The following PTPRD variants were observed in gnomAD, a reference collection of about 807,000 sequenced individuals.
PTPRD encodes receptor-type tyrosine-protein phosphatase delta.
PTPRD carries 34 observed loss-of-function variants against 214.5 expected under a neutral mutation model. That is an observed-to-expected ratio of 0.16 (90% CI 0.12 to 0.21). The LOEUF is 0.21. Among genes scored for constraint, PTPRD ranks in the 10% least tolerant of loss-of-function variants. The pLI is 1.00. For missense variants in PTPRD, 2,545 were observed against 2,398.7 expected (o/e 1.06, Z -1.27); for synonymous variants, 1,128 against 845.7 (o/e 1.33, Z -5.79).
At chr9:9,208,872 A>G (rs1420510725) in intron 9 of PTPRD, among the ~76,000 whole-genome samples, 1 of 151,416 alleles carries the variant, frequency 6.6e-6, no homozygotes, top group Non-Finnish European at 1.5e-5. Flanking sequence ...CAGTGGCGCG[A>G]TCCCGGCTCA....
intron 8 of PTPRD, among the ~76,000 whole-genome samples, chr9:9,522,110 T>A (rs571171150): frequency 6.7e-6 from 1 of 149,582 alleles, no homozygotes; most frequent in African/African-American, 2.5e-5. Context: ...TGAGCTGAGA[T>A]TGTGCCATTG....
intron 39 of PTPRD, among the ~76,000 whole-genome samples, chr9:8,373,860 GTCTGTCTATCTATC>G (rs1379593744): frequency 1.2e-4 from 9 of 75,444 alleles, no homozygotes; most frequent in African/African-American, 7.4e-4. Flanking sequence ...GTATGTGTCT[GTCTGTCTATCTATC>G]TATCTATCTA....
chr9:8,669,069 G>A (rs1048720352), intron 12 of PTPRD, among the ~76,000 whole-genome samples: 2 of 152,018 alleles, frequency 1.3e-5, no homozygotes, highest in Non-Finnish European at 2.9e-5. Flanking sequence ...TCCTCTCTAT[G>A]GGAAAGGGGA....
At chr9:8,348,140 C>T (rs1164345633) in intron 39 of PTPRD, among the ~76,000 whole-genome samples, 2 of 152,096 alleles carry the variant, frequency 1.3e-5, no homozygotes, top group African/African-American at 4.8e-5. Context: ...GGGCATGTTC[C>T]ACATAGTTAT....
At chr9:9,138,800 T>C (rs1224946630) in intron 10 of PTPRD, among the ~76,000 whole-genome samples, 1 of 152,182 alleles carries the variant, frequency 6.6e-6, no homozygotes, top group African/African-American at 2.4e-5. Flanking sequence ...AGCATTTTTT[T>C]GATATCTATT....
chr9:10,063,771 C>A (rs73641837), intron 3 of PTPRD, among the ~76,000 whole-genome samples: 3,260 of 152,014 alleles, frequency 0.021, 112 homozygotes, highest in African/African-American at 0.073. Context: ...GTAGCAATAC[C>A]AGCTAGTTCA....
intron 9 of PTPRD, among the ~76,000 whole-genome samples, chr9:9,270,507 G>A (rs749986100): frequency 6.6e-6 from 1 of 151,314 alleles, no homozygotes; most frequent in Non-Finnish European, 1.5e-5. Flanking sequence ...GAACAGTCAA[G>A]GAAACAATGG....
intron 10 of PTPRD, among the ~76,000 whole-genome samples, chr9:9,074,142 T>C (rs1208002592): frequency 6.6e-6 from 1 of 152,142 alleles, no homozygotes; most frequent in Non-Finnish European, 1.5e-5. Flanking sequence ...TTTAAATAGC[T>C]CTTAGGATAT....
intron 11 of PTPRD, among the ~76,000 whole-genome samples, chr9:8,801,465 T>G (rs1414194929): frequency 6.6e-6 from 1 of 152,174 alleles, no homozygotes. Flanking sequence ...GCCTGTAATC[T>G]CAGCAATCTG....
intron 8 of PTPRD, among the ~76,000 whole-genome samples, chr9:9,420,564 T>C (rs552302604): frequency 1.2e-4 from 18 of 152,074 alleles, no homozygotes; most frequent in African/African-American, 3.6e-4. Flanking sequence ...ACAATTTGGT[T>C]TGAAAACAGT....
intron 10 of PTPRD, among the ~76,000 whole-genome samples, chr9:9,041,397 G>C (rs553548299): frequency 1.3e-5 from 2 of 152,142 alleles, no homozygotes; most frequent in Non-Finnish European, 2.9e-5. Context: ...TCCAGTGTGT[G>C]TTGTTCCCCT....
intron 7 of PTPRD, among the ~76,000 whole-genome samples, chr9:9,679,348 A>G (rs2097013581): frequency 6.6e-6 from 1 of 151,792 alleles, no homozygotes; most frequent in African/African-American, 2.4e-5. Flanking sequence ...TACATATGAG[A>G]TCAGTAACAT....
chr9:9,932,186 G>A (rs538532937), intron 5 of PTPRD, among the ~76,000 whole-genome samples: 2 of 150,724 alleles, frequency 1.3e-5, no homozygotes, highest in African/African-American at 5.0e-5. Flanking sequence ...TCCTCCAAAG[G>A]AACGCAGTTC....
At chr9:9,726,402 C>G (rs1403405467) in intron 7 of PTPRD, among the ~76,000 whole-genome samples, 1 of 152,096 alleles carries the variant, frequency 6.6e-6, no homozygotes, top group Non-Finnish European at 1.5e-5. Flanking sequence ...ATAAGCAGGA[C>G]AGTGTAAAAT....
rs149224439 is a variant in PTPRD at position 10,276,223 on chromosome 9, T to C, written c.-545+64740A>G. ...ATATGAACAGGCCTTAATCCAGCCA[T>C]TGCTTTCATTTGCATATTTAGTTTT... On this transcript the variant is annotated intron_variant, in intron 3 of 45. Transcript: ENST00000381196. Among the ~76,000 whole-genome samples the C allele has an allele frequency of 7.9e-5, 12 of 152,354 alleles. No individual in the cohort carries two copies. The East Asian group carries it at 1.9e-3, about 25-fold the overall frequency.
chr9:8,486,371 G>A (rs1006490493), intron 27 of PTPRD, 22 bp from the exon 28 acceptor site: 9 of 1,592,856 alleles, frequency 5.7e-6, no homozygotes, highest in African/African-American at 2.7e-5. Context: ...GGGATGGAGT[G>A]GTAAGACCAA....
In PTPRD at chr9:8,449,811, T is replaced by C; in HGVS notation, c.3902A>G (p.Lys1301Arg). ...KRKRAESDSRKSSIPNNKEIP... is the reference protein window; with the variant it reads ...KRKRAESDSRRSSIPNNKEIP... Reference sequence around the variant, plus strand: ...CTCCTTATTGTTCGGTATGCTGCTTTTTCTAGAGTCGGACTCTGCCCTCTT... The same window carrying C: ...CTCCTTATTGTTCGGTATGCTGCTTCTTCTAGAGTCGGACTCTGCCCTCTT... Residue 1301 changes from lysine (K) to arginine (R), a missense_variant, in exon 34 of 46, where the codon AAA becomes AGA. By Grantham distance (26) the Lys-to-Arg change is conservative. Transcript: ENST00000381196. The C allele has an allele frequency of 6.2e-7, 1 of 1,614,058 alleles. No individual in the cohort carries two copies. Among genetic ancestry groups the C allele is most frequent in the South Asian group, 1.1e-5 (1 of 91,082 alleles).
chr9:8,864,205 T>C (rs1013824496), intron 11 of PTPRD, among the ~76,000 whole-genome samples: 1 of 152,188 alleles, frequency 6.6e-6, no homozygotes, highest in African/African-American at 2.4e-5. Flanking sequence ...AAGTTAAATT[T>C]TGAACTTCAA....
At chr9:9,149,899 T>C (rs1007639456) in intron 10 of PTPRD, among the ~76,000 whole-genome samples, 2 of 152,150 alleles carry the variant, frequency 1.3e-5, no homozygotes, top group African/African-American at 4.8e-5. Context: ...AGTCTTTCCA[T>C]TTAAGTACCT....
Sources: gnomAD v4.1 joint callset for allele counts (sites outside exome capture counted in the v4.1 genomes callset) on GRCh38, gnomAD v4.1.1 for gene constraint, MANE v1.5 for transcripts, NCBI Gene and HGNC (gene_info 2026-07-23, HGNC 2026-07-21) for gene names.